SGCD: variants seen among roughly 807,000 people sequenced by gnomAD.
SGCD encodes the protein sarcoglycan delta.
A neutral mutation model predicts 36.6 loss-of-function variants in SGCD; 18 were observed. The ratio of observed to expected loss-of-function variants is 0.49; its 90% CI spans 0.34 to 0.73. The LOEUF (loss-of-function observed/expected upper bound fraction) is 0.73. Among genes scored for constraint, SGCD ranks in the 30% least tolerant of loss-of-function variants. The pLI is 0.01. For missense variants in SGCD, 387 were observed against 346.7 expected (o/e 1.12, Z -0.92); for synonymous variants, 133 against 130.6 (o/e 1.02, Z -0.12).
intron 1 of SGCD, among the ~76,000 whole-genome samples, chr5:155,974,902 A>G (rs1394432115): frequency 6.6e-6 from 1 of 151,986 alleles, no homozygotes; most frequent in African/African-American, 2.4e-5. Context: ...TCCTCTGGGC[A>G]GTACTATTAT....
chr5:156,540,680 A>C (rs993233940), intron 4 of SGCD, among the ~76,000 whole-genome samples: 1 of 152,190 alleles, frequency 6.6e-6, no homozygotes, highest in Admixed American at 6.5e-5. Flanking sequence ...GTCTTAGTAC[A>C]TACCAAAGTG....
chr5:156,752,267 A>G (rs1173661773), intron 7 of SGCD, among the ~76,000 whole-genome samples: 3 of 152,368 alleles, frequency 2.0e-5, no homozygotes, highest in African/African-American at 7.2e-5. Context: ...CAGCAAACAC[A>G]AAATTCCTAA....
At chr5:156,334,613 T>G (rs78188307) in intron 2 of SGCD, among the ~76,000 whole-genome samples, 3 of 148,786 alleles carry the variant, frequency 2.0e-5, no homozygotes, top group African/African-American at 7.5e-5. Flanking sequence ...TATTTTCTTT[T>G]TTTTTTTTTT....
At chr5:155,736,029 G>A in the SGCD span, among the ~76,000 whole-genome samples, 2 of 152,090 alleles carry the variant, frequency 1.3e-5, no homozygotes, top group Non-Finnish European at 2.9e-5. Flanking sequence ...GTCACCTTGG[G>A]ATCCTTCTTT....
In SGCD at chr5:156,766,529, A is replaced by AT. The variant is rs1043407545; in HGVS notation, c.*7144dup. On this transcript the variant is annotated 3_prime_UTR_variant, in exon 9 of 9. Coordinates refer to ENST00000337851, the MANE Select transcript of SGCD (RefSeq NM_000337.6). ...AAATAAGACTCATTTGCCAGTTCTT[A>AT]TTTTTAAAGTGGCACCCTTTAACTT... 1 of 149,772 alleles carries AT rather than the reference A, an allele frequency of 6.7e-6. No individual in the cohort carries two copies. Among genetic ancestry groups the AT allele is most frequent in the African/African-American group, 2.5e-5 (1 of 40,418 alleles). The allele number at this position is 149,772 out of a possible 1,614,324, so 9.3% of individuals were successfully genotyped here.
intron 1 of SGCD, among the ~76,000 whole-genome samples, chr5:155,913,121 G>A (rs745482999): frequency 2.1e-4 from 32 of 151,980 alleles, no homozygotes; most frequent in Admixed American, 3.9e-4. Context: ...CTTTGGTAAC[G>A]CAGCTTTGGG....
chr5:156,305,759 T>C (rs1223696743), intron 3 of SGCD, among the ~76,000 whole-genome samples: 1 of 152,180 alleles, frequency 6.6e-6, no homozygotes. Context: ...AGCTGTATGC[T>C]CCAAAACCAC....
At chr5:156,438,941 T>C (rs1297462537) in intron 3 of SGCD, among the ~76,000 whole-genome samples, 1 of 152,152 alleles carries the variant, frequency 6.6e-6, no homozygotes, top group Non-Finnish European at 1.5e-5. Context: ...GTTACTGTTA[T>C]TTCCTACATT....
intron 3 of SGCD, among the ~76,000 whole-genome samples, chr5:156,485,123 C>G (rs1755599252): frequency 6.6e-6 from 1 of 152,098 alleles, no homozygotes; most frequent in Admixed American, 6.6e-5. Context: ...CATTCTCCAG[C>G]TAACTTGAGG....
chr5:156,708,540 A>C (rs1056511756), intron 7 of SGCD, among the ~76,000 whole-genome samples: 20 of 152,356 alleles, frequency 1.3e-4, no homozygotes, highest in African/African-American at 4.1e-4. Context: ...CTGGAGCATC[A>C]GTCTTACTTG....
At chr5:156,338,595 CTT>C (rs1476502398) in intron 2 of SGCD, among the ~76,000 whole-genome samples, 4 of 152,232 alleles carry the variant, frequency 2.6e-5, no homozygotes, top group Non-Finnish European at 4.4e-5. Flanking sequence ...AAATGGCAGA[CTT>C]ATCACTTTGA....
intron 6 of SGCD, among the ~76,000 whole-genome samples, chr5:156,613,975 T>C (rs1761932303): frequency 6.6e-6 from 1 of 152,092 alleles, no homozygotes; most frequent in Admixed American, 6.5e-5. Context: ...CCTTCCTTCT[T>C]TTGCTGTGTC....
rs1383747507 is a variant in SGCD, at chr5:156,524,762, C to T, written c.294+16060C>T. The stretch of plus-strand genomic sequence containing the variant: ...GTTTCACCTACCCCACTCCCACCCT[C>T]ACTAACAACCCTTCTACTCAATGTT... On this transcript the variant is annotated intron_variant, in intron 4 of 8. Transcript: ENST00000337851. 7.9e-5 allele frequency among the ~76,000 whole-genome samples: 12 copies of T among 152,006 alleles called. 1 individual carries two copies. The highest frequency in any genetic ancestry group is 8.8e-5 in the Non-Finnish European group (6 of 67,922).
the SGCD span, among the ~76,000 whole-genome samples, chr5:155,850,832 A>G: frequency 1.4e-4 from 21 of 152,292 alleles, no homozygotes; most frequent in African/African-American, 5.1e-4. Flanking sequence ...CATGAGACAT[A>G]ATTCCTGCCT....
intron 1 of SGCD, among the ~76,000 whole-genome samples, chr5:155,988,185 CT>C (rs561134158): frequency 6.6e-6 from 1 of 151,448 alleles, no homozygotes; most frequent in East Asian, 1.9e-4. Flanking sequence ...TCTGCAGTTC[CT>C]TTTTTTTTAT....
chr5:156,567,397 G>C (rs1253691141), intron 4 of SGCD, among the ~76,000 whole-genome samples: 1 of 143,386 alleles, frequency 7.0e-6, no homozygotes, highest in South Asian at 2.3e-4. Context: ...TAGATAGATA[G>C]ATAGATAGAT....
At chr5:156,452,176 C>T (rs1183441028) in intron 3 of SGCD, among the ~76,000 whole-genome samples, 1 of 152,132 alleles carries the variant, frequency 6.6e-6, no homozygotes, top group East Asian at 1.9e-4. Context: ...TGCATTTCCA[C>T]TGCCCAATTT....
chr5:155,756,409 A>G, the SGCD span, among the ~76,000 whole-genome samples: 1 of 152,220 alleles, frequency 6.6e-6, no homozygotes, highest in Non-Finnish European at 1.5e-5. Context: ...GTTGCTGGAT[A>G]GCAGACTTTT....
At chr5:155,768,548 G>A in the SGCD span, among the ~76,000 whole-genome samples, 3 of 152,268 alleles carry the variant, frequency 2.0e-5, no homozygotes, top group East Asian at 1.9e-4. Context: ...GGCTGTGAGA[G>A]CACCCAGGAG....
Sources: gnomAD v4.1 joint callset for allele counts (sites outside exome capture counted in the v4.1 genomes callset) on GRCh38, gnomAD v4.1.1 for gene constraint, MANE v1.5 for transcripts, NCBI Gene and HGNC (gene_info 2026-07-23, HGNC 2026-07-21) for gene names.